GLRB: variants seen among roughly 807,000 people sequenced by gnomAD.
GLRB encodes the protein glycine receptor subunit beta.
GLRB carries 33 observed loss-of-function variants against 54.2 expected under a neutral mutation model. The ratio of observed to expected loss-of-function variants is 0.61; its 90% CI spans 0.46 to 0.81. GLRB has a LOEUF of 0.81. GLRB is among the 40% of genes least tolerant of loss of function. The probability of loss-of-function intolerance (pLI) is 0.00; values close to 1 mark genes in which losing one functional copy is unlikely to be tolerated. For missense variants in GLRB, 572 were observed against 584.6 expected (o/e 0.98, Z 0.22); for synonymous variants, 209 against 208.2 (o/e 1.00, Z -0.03).
intron 4 of GLRB, among the ~76,000 whole-genome samples, chr4:157,123,241 T>G (rs1289134276): frequency 6.6e-6 from 1 of 151,752 alleles, no homozygotes; most frequent in African/African-American, 2.4e-5. Context: ...ACTTTTATTT[T>G]ATTAAATATA....
intron 2 of GLRB, among the ~76,000 whole-genome samples, chr4:157,113,783 A>G (rs1420061682): frequency 6.6e-6 from 1 of 151,948 alleles, no homozygotes; most frequent in Non-Finnish European, 1.5e-5. Context: ...AACATGACAG[A>G]CTTTGCCACA....
At chr4:157,154,584 T>C (rs891539507) in intron 9 of GLRB, among the ~76,000 whole-genome samples, 1 of 151,908 alleles carries the variant, frequency 6.6e-6, no homozygotes, top group African/African-American at 2.4e-5. Context: ...CCTGCCACCA[T>C]GTCTGGCTAA....
chr4:157,103,157 CAA>C (rs1436563927), intron 2 of GLRB, among the ~76,000 whole-genome samples: 14 of 104,532 alleles, frequency 1.3e-4, no homozygotes, highest in African/African-American at 6.9e-5. Context: ...CTCAAAAAAA[CAA>C]AAAAAAAAAA....
At chr4:157,085,567 C>A (rs1015752539) in intron 2 of GLRB, among the ~76,000 whole-genome samples, 1 of 151,804 alleles carries the variant, frequency 6.6e-6, no homozygotes, top group Non-Finnish European at 1.5e-5. Context: ...CATGATCTCG[C>A]CTCACTGCAA....
chr4:157,130,723 A>G lies in GLRB; in HGVS notation c.298-5746A>G, dbSNP rs373268218. Among the ~76,000 whole-genome samples the G allele has an allele frequency of 9.2e-5, 14 of 151,796 alleles. No homozygotes were observed. In the South Asian group the frequency reaches 2.9e-3, roughly 31 times the overall value. On this transcript the variant is annotated intron_variant, in intron 4 of 9. Transcript: ENST00000264428. The stretch of plus-strand genomic sequence containing the variant: ...GCTATGAACATGGGTGTACAAGTGT[A>G]TCTGTTGGAGTGTCTGCTTTCAATT...
intron 2 of GLRB, among the ~76,000 whole-genome samples, chr4:157,094,230 G>T (rs185662029): frequency 6.6e-6 from 1 of 152,248 alleles, no homozygotes; most frequent in East Asian, 1.9e-4. Flanking sequence ...ATTACTCATT[G>T]CCAACTCCAG....
At position 157,078,104 on chromosome 4, in the gene GLRB, C is replaced by T. The variant is rs1383682405; in HGVS notation, c.80C>T (p.Ser27Leu). 7 of 1,611,850 alleles carry T rather than the reference C, an allele frequency of 4.3e-6. No homozygotes were observed. In the Middle Eastern group the frequency reaches 4.9e-4, roughly 114 times the overall value. The change falls in exon 2 of 10, where the codon TCA becomes TTA. Residue 27 changes from serine (S) to leucine (L), a missense_variant. Coordinates refer to ENST00000264428, the MANE Select transcript of GLRB (RefSeq NM_000824.5). ...GAAGCCTATTCTAAGGAAAAGTCTT[C>T]AAAGAAAGGGAAGGGGAAAAAGAAG... ...VEEAYSKEKS[S>L]KKGKGKKKQY...
At chr4:157,097,378 T>G (rs2126470173) in intron 2 of GLRB, among the ~76,000 whole-genome samples, 1 of 152,334 alleles carries the variant, frequency 6.6e-6, no homozygotes, top group African/African-American at 2.4e-5. Flanking sequence ...AACAGATGTT[T>G]TATGAAGAAG....
chr4:157,086,620 A>T lies in GLRB; in HGVS notation c.122+8474A>T, dbSNP rs569314622. 7.9e-5 allele frequency among the ~76,000 whole-genome samples: 12 copies of T among 152,326 alleles called. No homozygotes were observed. The South Asian group carries it at 2.5e-3, about 32-fold the overall frequency. On this transcript the variant is annotated intron_variant, in intron 2 of 9. Transcript: ENST00000264428. ...ATTACCTTCTATTTGAGATGTTGTC[A>T]TATAAAATAACTAGACTTTCTTTGT...
chr4:157,097,719 T>C (rs1406788960), intron 2 of GLRB, among the ~76,000 whole-genome samples: 1 of 152,202 alleles, frequency 6.6e-6, no homozygotes, highest in African/African-American at 2.4e-5. Context: ...AGAGCATTTC[T>C]AGTAGTCAAG....
At chr4:157,156,138 T>C (rs1737218172) in intron 9 of GLRB, among the ~76,000 whole-genome samples, 2 of 152,190 alleles carry the variant, frequency 1.3e-5, no homozygotes, top group African/African-American at 4.8e-5. Context: ...CTGTGAAAAA[T>C]GATGTTGGTG....
chr4:157,152,613 TG>T (rs2126602019), intron 8 of GLRB, 104 bp from the exon 9 acceptor site: 1 of 869,272 alleles, frequency 1.2e-6, no homozygotes, highest in Non-Finnish European at 2.0e-6. Context: ...AAATTGTTCA[TG>T]GGTCATTGGA....
intron 2 of GLRB, among the ~76,000 whole-genome samples, chr4:157,110,093 G>A (rs1735363483): frequency 6.6e-6 from 1 of 151,848 alleles, no homozygotes; most frequent in African/African-American, 2.4e-5. Flanking sequence ...TGGGAATAAG[G>A]CTGAAAGTCC....
intron 2 of GLRB, among the ~76,000 whole-genome samples, chr4:157,108,521 T>G (rs191930040): frequency 2.6e-5 from 4 of 152,174 alleles, no homozygotes; most frequent in African/African-American, 9.6e-5. Context: ...CAAGAAAACT[T>G]AAATTAAAAC....
intron 9 of GLRB, among the ~76,000 whole-genome samples, chr4:157,159,047 A>G (rs574619049): frequency 1.3e-5 from 2 of 152,120 alleles, no homozygotes; most frequent in Non-Finnish European, 2.9e-5. Context: ...GGTCCTCCAC[A>G]TCCCTTGTAA....
chr4:157,122,462 T>C (rs1018439232), intron 4 of GLRB, 65 bp downstream of exon 4: 1 of 650,038 alleles, frequency 1.5e-6, no homozygotes, highest in African/African-American at 1.9e-5. Context: ...GAAAGTAACA[T>C]TAAAATTGAA....
intron 9 of GLRB, among the ~76,000 whole-genome samples, chr4:157,163,058 G>A (rs748754808): frequency 2.6e-5 from 4 of 152,124 alleles, no homozygotes; most frequent in Non-Finnish European, 5.9e-5. Flanking sequence ...CCCCAGCCTC[G>A]CTTCCACCTC....
intron 2 of GLRB, among the ~76,000 whole-genome samples, chr4:157,106,144 G>A (rs569007206): frequency 2.6e-5 from 4 of 152,124 alleles, no homozygotes; most frequent in East Asian, 1.9e-4. Context: ...TTTGATGGAC[G>A]AGTTTGCCAT....
rs746631259 is a variant in GLRB at position 157,170,449 on chromosome 4, CA to C, written c.1221del (p.Val408PhefsTer8). The stretch of plus-strand genomic sequence containing the variant: ...ATTCTTAGGTTGGTGAGACCAGATG[CA>C]AAAAAGTTTGTACTTCTAAGTCTGA... ...STLQVGETRC[K>X]KVCTSKSDLR... On this transcript the variant is annotated frameshift_variant, in exon 10 of 10. Transcript: ENST00000264428. LOFTEE classifies it high-confidence loss of function. 3 of 1,599,644 alleles carry C rather than the reference CA, an allele frequency of 1.9e-6. No individual in the cohort carries two copies. Among genetic ancestry groups the C allele is most frequent in the East Asian group, 2.2e-5 (1 of 44,794 alleles).
Sources: gnomAD v4.1 joint callset for allele counts (sites outside exome capture counted in the v4.1 genomes callset) on GRCh38, gnomAD v4.1.1 for gene constraint, MANE v1.5 for transcripts, NCBI Gene and HGNC (gene_info 2026-07-23, HGNC 2026-07-21) for gene names.